FAM184A: variants seen among roughly 807,000 people sequenced by gnomAD.
FAM184A encodes the protein protein FAM184A.
Under a neutral mutation model 143.8 loss-of-function variants are expected in FAM184A, and 99 were observed. The ratio of observed to expected loss-of-function variants is 0.69; its 90% CI spans 0.58 to 0.81. The LOEUF (loss-of-function observed/expected upper bound fraction) is 0.81, where lower values mean the gene tolerates loss of function less well. Ranked by LOEUF, FAM184A falls within the 40% of genes least tolerant of loss-of-function variation. FAM184A has a pLI of 0.00. For missense variants in FAM184A, 1,217 were observed against 1,310.5 expected (o/e 0.93, Z 1.10); for synonymous variants, 427 against 446.4 (o/e 0.96, Z 0.55).
chr6:119,033,387 C>T (rs1053371449), intron 1 of FAM184A, among the ~76,000 whole-genome samples: 1 of 152,108 alleles, frequency 6.6e-6, no homozygotes, highest in African/African-American at 2.4e-5. Flanking sequence ...AAGAAAAGGC[C>T]AGGTGCGGTG....
At chr6:119,028,446 G>T (rs538173861) in intron 1 of FAM184A, among the ~76,000 whole-genome samples, 1 of 152,252 alleles carries the variant, frequency 6.6e-6, no homozygotes, top group African/African-American at 2.4e-5. Flanking sequence ...CCCCATACAG[G>T]GTCCTCTAGG....
At chr6:119,095,337 G>A (rs1283017423) in intron 1 of FAM184A, among the ~76,000 whole-genome samples, 1 of 152,154 alleles carries the variant, frequency 6.6e-6, no homozygotes, top group Non-Finnish European at 1.5e-5. Flanking sequence ...CCTAGTGAGA[G>A]GCATTGGTGA....
intron 15 of FAM184A, among the ~76,000 whole-genome samples, chr6:118,965,050 CTA>C (rs1268812265): frequency 6.6e-6 from 1 of 152,186 alleles, no homozygotes; most frequent in African/African-American, 2.4e-5. Context: ...ACAGGGCTGA[CTA>C]TGCAGTTTGG....
chr6:119,044,329 TTTAGAAGCC>T (rs1183999513), intron 1 of FAM184A, among the ~76,000 whole-genome samples: 1 of 152,134 alleles, frequency 6.6e-6, no homozygotes, highest in East Asian at 1.9e-4. Context: ...TTGCAGAAGA[TTTAGAAGCC>T]TTAGGTCTCT....
chr6:119,006,679 C>T, intron 6 of FAM184A, 71 bp from the exon 7 acceptor site: 2 of 1,231,248 alleles, frequency 1.6e-6, no homozygotes, highest in Non-Finnish European at 2.2e-6. Context: ...ACAATTTCTT[C>T]CTAAAGTTTT....
At chr6:119,059,029 C>T (rs116970981) in intron 1 of FAM184A, among the ~76,000 whole-genome samples, 2,482 of 152,086 alleles carry the variant, frequency 0.016, 28 homozygotes, top group South Asian at 0.028. Flanking sequence ...CAGGGCCTTG[C>T]TCTGTTGCCC....
intron 1 of FAM184A, among the ~76,000 whole-genome samples, chr6:119,130,898 C>T (rs1789518196): frequency 1.3e-5 from 2 of 148,156 alleles, no homozygotes; most frequent in Admixed American, 1.4e-4. Context: ...CGCTCTGCAC[C>T]TAGGCTAGAG....
intron 1 of FAM184A, among the ~76,000 whole-genome samples, chr6:119,071,618 A>G (rs1008643068): frequency 2.0e-5 from 3 of 152,188 alleles, no homozygotes; most frequent in Admixed American, 1.3e-4. Flanking sequence ...GGTAAGTAAA[A>G]CATGGTTCCA....
At chr6:119,071,512 T>C (rs1787683051) in intron 1 of FAM184A, among the ~76,000 whole-genome samples, 1 of 152,306 alleles carries the variant, frequency 6.6e-6, no homozygotes, top group Admixed American at 6.5e-5. Flanking sequence ...AGTCATAGTA[T>C]ACAAAATATA....
intron 14 of FAM184A, among the ~76,000 whole-genome samples, chr6:118,972,671 TA>T (rs1783731522): frequency 6.6e-6 from 1 of 152,162 alleles, no homozygotes; most frequent in East Asian, 1.9e-4. Context: ...TGCAAAACCA[TA>T]TGCAACAGAA....
chr6:119,142,276 A>G (rs1772271145), intron 1 of FAM184A, among the ~76,000 whole-genome samples: 1 of 152,174 alleles, frequency 6.6e-6, no homozygotes, highest in Non-Finnish European at 1.5e-5. Flanking sequence ...AAAGGACGTA[A>G]TGACCTCGAA....
intron 1 of FAM184A, among the ~76,000 whole-genome samples, chr6:119,099,229 A>C (rs1472882301): frequency 6.6e-6 from 1 of 152,116 alleles, no homozygotes; most frequent in Non-Finnish European, 1.5e-5. Context: ...TCTTCATCGT[A>C]TCCTTCGCAA....
chr6:119,018,173 G>A (rs757486751), intron 4 of FAM184A, among the ~76,000 whole-genome samples: 8 of 152,108 alleles, frequency 5.3e-5, no homozygotes, highest in South Asian at 2.1e-4. Flanking sequence ...ACTTGGACGC[G>A]GTGAGAAAGT....
intron 5 of FAM184A, 58 bp downstream of exon 5, chr6:119,016,689 C>T: frequency 1.4e-6 from 2 of 1,456,234 alleles, no homozygotes; most frequent in Non-Finnish European, 1.9e-6. Context: ...ATTCCGGACA[C>T]ACTACTACAG....
chr6:119,060,433 A>G (rs866011405), intron 1 of FAM184A, among the ~76,000 whole-genome samples: 5 of 152,234 alleles, frequency 3.3e-5, no homozygotes, highest in Admixed American at 6.5e-5. Flanking sequence ...ACAGTCTAGT[A>G]CAGATAAAGA....
intron 1 of FAM184A, among the ~76,000 whole-genome samples, chr6:119,108,228 G>A (rs908361101): frequency 9.2e-5 from 14 of 151,846 alleles, no homozygotes; most frequent in Middle Eastern, 3.4e-3. Flanking sequence ...CACTCATCGA[G>A]ACCTTTTGAT....
chr6:119,025,881 T>C (rs1313519653), intron 1 of FAM184A, among the ~76,000 whole-genome samples: 1 of 152,248 alleles, frequency 6.6e-6, no homozygotes, highest in East Asian at 1.9e-4. Flanking sequence ...ACTGCAGTTA[T>C]GATGGAAAAC....
intron 7 of FAM184A, 127 bp downstream of exon 7, chr6:119,006,320 T>C: frequency 1.1e-6 from 1 of 921,958 alleles, no homozygotes; most frequent in South Asian, 1.6e-5. Flanking sequence ...TAGTACTTTG[T>C]TATGGTAGTT....
intron 1 of FAM184A, among the ~76,000 whole-genome samples, chr6:119,136,488 C>G (rs1354494791): frequency 6.6e-6 from 1 of 151,714 alleles, no homozygotes; most frequent in Non-Finnish European, 1.5e-5. Context: ...TTTGATAGAC[C>G]CATGTGTCAC....
Sources: gnomAD v4.1 joint callset for allele counts (sites outside exome capture counted in the v4.1 genomes callset) on GRCh38, gnomAD v4.1.1 for gene constraint, MANE v1.5 for transcripts, NCBI Gene and HGNC (gene_info 2026-07-23, HGNC 2026-07-21) for gene names.